Variants in STPG2 observed in about 807,000 individuals in gnomAD.
STPG2 encodes sperm tail PG-rich repeat containing 2.
A neutral mutation model predicts 54.2 loss-of-function variants in STPG2; 56 were observed. That is an observed-to-expected ratio of 1.03 (90% CI 0.83 to 1.29). The LOEUF (loss-of-function observed/expected upper bound fraction) is 1.29. STPG2 is among the 50% of genes most tolerant of loss of function. The pLI is 0.00. For synonymous variants in STPG2, 200 were observed against 181.8 expected, an observed-to-expected ratio of 1.10 and a Z score of -0.81; for missense variants, 596 against 544.9, an observed-to-expected ratio of 1.09 and a Z score of -0.93.
At chr4:97,615,475 A>G (rs970917413) in intron 10 of STPG2, among the ~76,000 whole-genome samples, 11 of 151,970 alleles carry the variant, frequency 7.2e-5, no homozygotes, top group African/African-American at 2.4e-4. Context: ...TTTTTTAGAG[A>G]CGAAATCTTG....
At chr4:97,680,688 G>A (rs989726528) in intron 10 of STPG2, among the ~76,000 whole-genome samples, 1 of 151,984 alleles carries the variant, frequency 6.6e-6, no homozygotes, top group Non-Finnish European at 1.5e-5. Context: ...TTAAAGGTGA[G>A]GAATCTGGAG....
At chr4:97,537,251 C>T (rs1269776634) in intron 4 of STPG2, among the ~76,000 whole-genome samples, 1 of 152,272 alleles carries the variant, frequency 6.6e-6, no homozygotes, top group Middle Eastern at 3.4e-3. Context: ...CGAGGCATCA[C>T]CTCACCCGGG....
chr4:98,001,146 T>C (rs1272806920), intron 5 of STPG2, among the ~76,000 whole-genome samples: 4 of 152,060 alleles, frequency 2.6e-5, no homozygotes, highest in African/African-American at 9.7e-5. Context: ...ATCGTAAATC[T>C]GAAGCTACAC....
At chr4:97,947,467 G>T (rs1462459431) in intron 7 of STPG2, among the ~76,000 whole-genome samples, 1 of 151,844 alleles carries the variant, frequency 6.6e-6, no homozygotes, top group East Asian at 1.9e-4. Context: ...TGAAAGTGGG[G>T]ATCTTCATCT....
At chr4:97,797,100 G>T (rs1727213569) in intron 9 of STPG2, among the ~76,000 whole-genome samples, 1 of 152,138 alleles carries the variant, frequency 6.6e-6, no homozygotes, top group African/African-American at 2.4e-5. Context: ...GAGACAATGG[G>T]GTTTTCTACA....
intron 8 of STPG2, among the ~76,000 whole-genome samples, chr4:97,922,329 A>G (rs970008813): frequency 1.3e-5 from 2 of 152,122 alleles, no homozygotes; most frequent in African/African-American, 2.4e-5. Flanking sequence ...AAAGGAAAAA[A>G]TAATGTAACA....
At chr4:98,056,956 T>C (rs1737504413) in intron 5 of STPG2, among the ~76,000 whole-genome samples, 1 of 152,170 alleles carries the variant, frequency 6.6e-6, no homozygotes, top group Admixed American at 6.6e-5. Context: ...GTGTCCTGGA[T>C]AGCCTGTGGA....
At chr4:97,908,894 T>C (rs550850647) in intron 8 of STPG2, among the ~76,000 whole-genome samples, 15 of 150,478 alleles carry the variant, frequency 1.0e-4, no homozygotes, top group African/African-American at 2.7e-4. Context: ...AGGGATAGCA[T>C]TGGGCGATAT....
intron 4 of STPG2, among the ~76,000 whole-genome samples, chr4:97,525,505 A>C: frequency 6.6e-6 from 1 of 152,008 alleles, no homozygotes; most frequent in East Asian, 1.9e-4. Flanking sequence ...AAAAAACCCC[A>C]AAAGAAGCTG....
At chr4:97,559,453 G>T (rs1215981441) in intron 10 of STPG2, among the ~76,000 whole-genome samples, 1 of 152,134 alleles carries the variant, frequency 6.6e-6, no homozygotes, top group Non-Finnish European at 1.5e-5. Flanking sequence ...TGAAGGTCAG[G>T]CATTCCTATC....
In STPG2 at chr4:98,122,366, G is replaced by C. The variant is rs183033459; in HGVS notation, c.387+6062C>G. 1.8e-3 allele frequency among the ~76,000 whole-genome samples: 279 copies of C among 152,224 alleles called. 3 individuals are homozygous for C. The highest frequency in any genetic ancestry group is 9.8e-3 in the South Asian group (47 of 4,816). ...TATGGCTCTTATTATTTTGAGGTAT[G>C]TTCCTTCAATATGTAGTTTATTGAG... is the stretch of plus-strand genomic sequence containing the variant. On this transcript the variant is annotated intron_variant, in intron 3 of 10. Coordinates refer to ENST00000295268, the MANE Select transcript of STPG2 (RefSeq NM_174952.3).
chr4:97,589,763 T>A (rs555815529), intron 10 of STPG2, among the ~76,000 whole-genome samples: 2 of 152,318 alleles, frequency 1.3e-5, no homozygotes, highest in South Asian at 2.1e-4. Flanking sequence ...TAAGTGCACA[T>A]ACAAGTGTAT....
At chr4:97,607,106 G>T (rs1030260591) in intron 10 of STPG2, among the ~76,000 whole-genome samples, 14 of 151,874 alleles carry the variant, frequency 9.2e-5, no homozygotes, top group Non-Finnish European at 1.3e-4. Flanking sequence ...TTTTAAAAAG[G>T]TATTGATTTT....
intron 4 of STPG2, among the ~76,000 whole-genome samples, chr4:97,459,428 CTGTTTTTTTT>C (rs912203883): frequency 8.8e-5 from 13 of 147,214 alleles, no homozygotes; most frequent in African/African-American, 2.6e-4. Context: ...CAAAGGATGC[CTGTTTTTTTT>C]TGTTTTTTTT....
At chr4:97,647,901 C>G (rs1721955721) in intron 10 of STPG2, among the ~76,000 whole-genome samples, 1 of 152,092 alleles carries the variant, frequency 6.6e-6, no homozygotes, top group African/African-American at 2.4e-5. Context: ...GGTGTTCACT[C>G]TGAGGTCCCT....
intron 8 of STPG2, among the ~76,000 whole-genome samples, chr4:97,900,905 A>C (rs1205460065): frequency 6.6e-6 from 1 of 152,044 alleles, no homozygotes; most frequent in Non-Finnish European, 1.5e-5. Flanking sequence ...AAACCTTCAT[A>C]TGTATCCTCA....
At chr4:97,650,490 G>A (rs1451128004) in intron 10 of STPG2, among the ~76,000 whole-genome samples, 2 of 152,116 alleles carry the variant, frequency 1.3e-5, no homozygotes, top group Non-Finnish European at 2.9e-5. Context: ...AAGACAACTT[G>A]AAGCAGGAGC....
chr4:97,600,835 T>C (rs1194367990), intron 10 of STPG2, among the ~76,000 whole-genome samples: 1 of 152,078 alleles, frequency 6.6e-6, no homozygotes, highest in East Asian at 1.9e-4. Flanking sequence ...AGTCAGTACT[T>C]TGGGGCACAG....
intron 8 of STPG2, among the ~76,000 whole-genome samples, chr4:97,852,967 C>CTTTTT (rs574886386): frequency 1.1e-4 from 8 of 69,630 alleles, no homozygotes; most frequent in Admixed American, 2.1e-4. Context: ...AACATATTTT[C>CTTTTT]TTTTTTTTTT....
Sources: allele counts gnomAD v4.1 joint callset (sites outside exome capture counted in the v4.1 genomes callset), GRCh38; gene constraint gnomAD v4.1.1; transcripts MANE v1.5; gene names NCBI Gene and HGNC (gene_info 2026-07-23, HGNC 2026-07-21).